Variants in VAT1L observed in about 807,000 individuals in gnomAD.
VAT1L encodes the protein putative NADPH-dependent quinone oxidoreductase VAT1L.
Under a neutral mutation model 44.1 loss-of-function variants are expected in VAT1L, and 34 were observed. The ratio of observed to expected loss-of-function variants is 0.77; its 90% confidence interval spans 0.59 to 1.03. The LOEUF (loss-of-function observed/expected upper bound fraction) is 1.03, where lower values mean the gene tolerates loss of function less well. VAT1L is among the 50% of genes least tolerant of loss of function. VAT1L has a pLI of 0.00. For synonymous variants in VAT1L, 253 were observed against 202.2 expected, an observed-to-expected ratio of 1.25 and a Z score of -2.13; for missense variants, 615 against 538.8, an observed-to-expected ratio of 1.14 and a Z score of -1.40.
At chr16:77,789,353 C>T (rs564145131) in intron 1 of VAT1L, among the ~76,000 whole-genome samples, 1 of 152,292 alleles carries the variant, frequency 6.6e-6, no homozygotes, top group South Asian at 2.1e-4. Context: ...CTTCCTGGGA[C>T]CTAATGAGTC....
intron 3 of VAT1L, among the ~76,000 whole-genome samples, chr16:77,839,535 C>CAAAAAAAAAAAA (rs71137846): frequency 1.2e-4 from 6 of 49,084 alleles, no homozygotes; most frequent in African/African-American, 2.7e-4. Flanking sequence ...TACTCCATAT[C>CAAAAAAAAAAAA]AAAAAAAAAA....
intron 7 of VAT1L, among the ~76,000 whole-genome samples, chr16:77,948,510 A>C (rs2017999082): frequency 6.6e-6 from 1 of 152,176 alleles, no homozygotes; most frequent in Admixed American, 6.5e-5. Context: ...AAGAAAGCTC[A>C]AAGTTCACAT....
intron 3 of VAT1L, among the ~76,000 whole-genome samples, chr16:77,843,113 T>C (rs1188611030): frequency 6.6e-6 from 1 of 152,186 alleles, no homozygotes; most frequent in Non-Finnish European, 1.5e-5. Flanking sequence ...TCCTGTGTTT[T>C]AAGCCACAAA....
intron 3 of VAT1L, among the ~76,000 whole-genome samples, chr16:77,850,833 C>T (rs988342014): frequency 1.3e-5 from 2 of 151,652 alleles, no homozygotes; most frequent in African/African-American, 4.9e-5. Flanking sequence ...GACTCTAATA[C>T]TCCTGCACTC....
At chr16:77,977,561 G>T (rs143955453) in intron 8 of VAT1L, 36 bp from the exon 9 acceptor site, 3 of 1,606,068 alleles carry the variant, frequency 1.9e-6, no homozygotes, top group African/African-American at 2.7e-5. Flanking sequence ...AGGCTGGGTT[G>T]CACAACCCTC....
intron 7 of VAT1L, among the ~76,000 whole-genome samples, chr16:77,926,520 G>T (rs373802): frequency 0.18 from 27,583 of 151,944 alleles, 2,766 homozygotes; most frequent in Non-Finnish European, 0.21. Context: ...GGAGGCAGAG[G>T]TTGCCATGAG....
chr16:77,872,600 G>A (rs1057056279), intron 4 of VAT1L, among the ~76,000 whole-genome samples: 2 of 152,080 alleles, frequency 1.3e-5, no homozygotes, highest in Admixed American at 6.5e-5. Flanking sequence ...TTGTTTTCAT[G>A]CTCCAGCCAC....
chr16:77,876,132 G>A (rs573672951), intron 4 of VAT1L, among the ~76,000 whole-genome samples: 1 of 152,294 alleles, frequency 6.6e-6, no homozygotes, highest in South Asian at 2.1e-4. Context: ...GGCCCAGGCT[G>A]GTTCCCAGTG....
chr16:77,924,079 T>C (rs931868979), intron 7 of VAT1L, among the ~76,000 whole-genome samples: 1 of 152,120 alleles, frequency 6.6e-6, no homozygotes, highest in African/African-American at 2.4e-5. Flanking sequence ...TCAACATCTC[T>C]GAACCTCCTT....
chr16:77,971,796 A>T, intron 7 of VAT1L, 54 bp from the exon 8 acceptor site: 2 of 1,569,276 alleles, frequency 1.3e-6, no homozygotes, highest in South Asian at 1.2e-5. Context: ...CCCCCTTTTT[A>T]ACTGGGGAAC....
chr16:77,839,490 CGCGCCACTGCACTCCA>C (rs1567483705), intron 3 of VAT1L, among the ~76,000 whole-genome samples: 3 of 126,400 alleles, frequency 2.4e-5, no homozygotes, highest in African/African-American at 3.1e-5. Context: ...GAGCCGAAAT[CGCGCCACTGCACTCCA>C]GCCTGGGCGA....
At chr16:77,829,275 A>G (rs2016554780) in intron 3 of VAT1L, among the ~76,000 whole-genome samples, 1 of 152,200 alleles carries the variant, frequency 6.6e-6, no homozygotes, top group Admixed American at 6.5e-5. Context: ...CTTGGTGTCG[A>G]TGAGATGACA....
chr16:77,914,668 T>C (rs1411879738), intron 7 of VAT1L, among the ~76,000 whole-genome samples: 1 of 152,186 alleles, frequency 6.6e-6, no homozygotes, highest in Non-Finnish European at 1.5e-5. Flanking sequence ...ACGTATCAGA[T>C]TTAATAACAC....
At chr16:77,905,285 G>T (rs949447125) in intron 7 of VAT1L, among the ~76,000 whole-genome samples, 11 of 152,230 alleles carry the variant, frequency 7.2e-5, no homozygotes, top group Non-Finnish European at 7.4e-5. Flanking sequence ...TTTCTTCAAA[G>T]AAGAAAAGAA....
At chr16:77,942,547 G>A (rs1429905924) in intron 7 of VAT1L, among the ~76,000 whole-genome samples, 1 of 152,038 alleles carries the variant, frequency 6.6e-6, no homozygotes, top group Admixed American at 6.6e-5. Context: ...TTAGCTCTTT[G>A]AGAAATTGCC....
At chr16:77,846,025 G>C (rs2016755301) in intron 3 of VAT1L, among the ~76,000 whole-genome samples, 1 of 152,144 alleles carries the variant, frequency 6.6e-6, no homozygotes, top group Non-Finnish European at 1.5e-5. Context: ...ATGGGCCTTA[G>C]CATCTCTGTG....
chr16:77,794,900 T>A (rs2015900657), intron 1 of VAT1L, among the ~76,000 whole-genome samples: 1 of 152,096 alleles, frequency 6.6e-6, no homozygotes, highest in Non-Finnish European at 1.5e-5. Context: ...ATCAACTGAG[T>A]CCTTGCTGAT....
At chr16:77,843,178 A>T (rs2016724358) in intron 3 of VAT1L, among the ~76,000 whole-genome samples, 2 of 152,192 alleles carry the variant, frequency 1.3e-5, no homozygotes, top group African/African-American at 4.8e-5. Flanking sequence ...CCATCTGCTC[A>T]TTGCCTCTGC....
chr16:77,896,068 G>A (rs1388383293), intron 7 of VAT1L, among the ~76,000 whole-genome samples: 1 of 152,204 alleles, frequency 6.6e-6, no homozygotes, highest in Admixed American at 6.5e-5. Flanking sequence ...GGCTGACCTC[G>A]AATGGAGGGG....
Sources: gnomAD v4.1 joint callset for allele counts (sites outside exome capture counted in the v4.1 genomes callset) on GRCh38, gnomAD v4.1.1 for gene constraint, MANE v1.5 for transcripts, NCBI Gene and HGNC (gene_info 2026-07-23, HGNC 2026-07-21) for gene names.